GRXCR2: variants seen among roughly 807,000 people sequenced by gnomAD.
The protein encoded by GRXCR2 is glutaredoxin domain-containing cysteine-rich protein 2.
Under a neutral mutation model 24.8 loss-of-function variants are expected in GRXCR2, and 23 were observed. The observed-to-expected ratio is 0.93, with a 90% CI of 0.67 to 1.32. GRXCR2 has a LOEUF of 1.32. Ranked by LOEUF, GRXCR2 falls within the 40% of genes most tolerant of loss-of-function variation. GRXCR2 has a pLI of 0.00. For synonymous variants in GRXCR2, 130 were observed against 116.1 expected (o/e 1.12, Z -0.77); for missense variants, 315 against 303.4 (o/e 1.04, Z -0.28).
chr5:145,898,281 A>G (rs1756976583), intron 2 of GRXCR2, among the ~76,000 whole-genome samples: 2 of 151,032 alleles, frequency 1.3e-5, no homozygotes, highest in South Asian at 4.2e-4. Context: ...AAATTGAATC[A>G]GTAATTAAAA....
intron 1 of GRXCR2, among the ~76,000 whole-genome samples, chr5:145,867,954 T>A (rs748783043): frequency 6.6e-6 from 1 of 152,034 alleles, no homozygotes; most frequent in Non-Finnish European, 1.5e-5. Flanking sequence ...TCCCTAAACC[T>A]AGTGATGTAA....
Position 145,922,665 on chromosome 5 carries a change from A to G in GRXCR2, c.-70+13036T>C, listed in dbSNP as rs77770196. Among the ~76,000 whole-genome samples the G allele has an allele frequency of 8.3e-4, 126 of 152,314 alleles. 3 individuals are homozygous for G. The East Asian group carries it at 0.023, about 28-fold the overall frequency. On this transcript the variant is annotated intron_variant, in intron 2 of 3. Coordinates refer to the GRXCR2 transcript ENST00000639411. ...GGTATACCATGGAAATGAGAGATGT[A>G]ATTTTTCTCTCTCAACACCCTTAAA...
chr5:145,859,796 C>T lies in GRXCR2; in HGVS notation c.684G>A (p.Arg228=), dbSNP rs1409587912. 1 of 1,614,066 alleles carries T rather than the reference C, an allele frequency of 6.2e-7. No individual in the cohort carries two copies. The part of the protein sequence containing the change: ...MLANRFKESY[R]ALRCPACNEN... The stretch of plus-strand genomic sequence containing the variant: ...CATTGCAGGCAGGGCACCTCAGGGC[C>T]CGATAGGACTCCTTAAATCTGTTGG... Residue 228 remains arginine (R), a synonymous_variant, in exon 3 of 3, where the codon CGG becomes CGA. Transcript: ENST00000377976.
intron 2 of GRXCR2, among the ~76,000 whole-genome samples, chr5:145,865,375 T>C (rs1756412165): frequency 6.6e-6 from 1 of 152,194 alleles, no homozygotes. Context: ...CTCCCCCTGG[T>C]CTGAGCATGT....
At chr5:145,898,466 A>G (rs1756980596) in intron 2 of GRXCR2, among the ~76,000 whole-genome samples, 1 of 151,986 alleles carries the variant, frequency 6.6e-6, no homozygotes, top group African/African-American at 2.4e-5. Flanking sequence ...ACCCTGATAC[A>G]AAAACCTGAC....
At chr5:145,892,674 A>G (rs892604536) in intron 2 of GRXCR2, among the ~76,000 whole-genome samples, 18 of 152,240 alleles carry the variant, frequency 1.2e-4, no homozygotes, top group Non-Finnish European at 2.1e-4. Context: ...CCTGAAAGTG[A>G]TGGGGAGAAT....
At chr5:145,890,620 G>A (rs1202485111) in intron 2 of GRXCR2, among the ~76,000 whole-genome samples, 1 of 152,088 alleles carries the variant, frequency 6.6e-6, no homozygotes, top group African/African-American at 2.4e-5. Context: ...ACCTTTAAGG[G>A]AGTTTTAAAC....
chr5:145,896,894 A>T (rs1224085489), intron 2 of GRXCR2, among the ~76,000 whole-genome samples: 7 of 152,150 alleles, frequency 4.6e-5, no homozygotes, highest in Non-Finnish European at 7.3e-5. Flanking sequence ...CAAATGTCCA[A>T]GAATGATAGA....
At chr5:145,884,569 C>T (rs1311647166) in intron 2 of GRXCR2, among the ~76,000 whole-genome samples, 1 of 151,882 alleles carries the variant, frequency 6.6e-6, no homozygotes, top group Non-Finnish European at 1.5e-5. Flanking sequence ...AAAAGTTTAT[C>T]CCCTCAATAT....
chr5:145,904,504 C>A (rs1013080914), intron 2 of GRXCR2, among the ~76,000 whole-genome samples: 16 of 152,206 alleles, frequency 1.1e-4, no homozygotes, highest in African/African-American at 3.9e-4. Context: ...AGGTTGCCTT[C>A]CTGCAGCCTG....
In GRXCR2 at chr5:145,917,259, G is replaced by A. The variant is rs368863040; in HGVS notation, c.-70+18442C>T. On this transcript the variant is annotated intron_variant, in intron 2 of 3. Transcript: ENST00000639411. Reference sequence around the variant, plus strand: ...CAAAGTGGATTCCAAAGGCACACACGGCTCAGAAAGGAAAGCAATTCTTGT... The same window carrying A: ...CAAAGTGGATTCCAAAGGCACACACAGCTCAGAAAGGAAAGCAATTCTTGT... Among the ~76,000 whole-genome samples, 54 of 150,306 alleles carry A rather than the reference G, an allele frequency of 3.6e-4. No individual in the cohort carries two copies. The East Asian group carries it at 6.4e-3, about 18-fold the overall frequency.
intron 2 of GRXCR2, among the ~76,000 whole-genome samples, chr5:145,893,296 T>A (rs2149919866): frequency 1.3e-5 from 2 of 152,276 alleles, no homozygotes; most frequent in South Asian, 4.1e-4. Flanking sequence ...TAATCTTAAA[T>A]GTAAATGGGC....
At chr5:145,896,008 C>T (rs1247961829) in intron 2 of GRXCR2, among the ~76,000 whole-genome samples, 2 of 152,064 alleles carry the variant, frequency 1.3e-5, no homozygotes, top group Non-Finnish European at 1.5e-5. Flanking sequence ...CTTTGACAAA[C>T]CTGACAAAAA....
chr5:145,926,572 G>T (rs1251348041), intron 2 of GRXCR2, among the ~76,000 whole-genome samples: 1 of 152,098 alleles, frequency 6.6e-6, no homozygotes, highest in South Asian at 2.1e-4. Context: ...GCTCTGTTCT[G>T]TTCCATTGGT....
intron 2 of GRXCR2, among the ~76,000 whole-genome samples, chr5:145,884,950 A>C (rs1374635536): frequency 6.6e-6 from 1 of 152,202 alleles, no homozygotes; most frequent in Non-Finnish European, 1.5e-5. Flanking sequence ...GTCTTGATGA[A>C]AGAAATGTGC....
intron 2 of GRXCR2, among the ~76,000 whole-genome samples, chr5:145,906,065 C>T (rs1482279412): frequency 1.3e-5 from 2 of 152,110 alleles, no homozygotes; most frequent in Admixed American, 1.3e-4. Context: ...AGATCATAAC[C>T]ATATTTTACA....
At chr5:145,894,790 A>T (rs1756923924) in intron 2 of GRXCR2, among the ~76,000 whole-genome samples, 1 of 152,212 alleles carries the variant, frequency 6.6e-6, no homozygotes, top group African/African-American at 2.4e-5. Context: ...TTATGAGGAC[A>T]GCATCATCCT....
intron 2 of GRXCR2, among the ~76,000 whole-genome samples, chr5:145,913,063 C>T (rs1417936419): frequency 6.6e-6 from 1 of 152,176 alleles, no homozygotes; most frequent in Non-Finnish European, 1.5e-5. Context: ...TTTAGATTTA[C>T]AGAAAAGTGA....
chr5:145,920,694 CA>C (rs1377544507), intron 2 of GRXCR2, among the ~76,000 whole-genome samples: 1 of 152,160 alleles, frequency 6.6e-6, no homozygotes, highest in Admixed American at 6.5e-5. Context: ...AGTTCCAGGT[CA>C]GGAAAGACAT....
Sources: gnomAD v4.1 joint callset for allele counts (sites outside exome capture counted in the v4.1 genomes callset) on GRCh38, gnomAD v4.1.1 for gene constraint, MANE v1.5 for transcripts, NCBI Gene and HGNC (gene_info 2026-07-23, HGNC 2026-07-21) for gene names.